The following CES4A variants were observed in gnomAD, a reference collection of about 807,000 sequenced individuals.
CES4A encodes the protein carboxylesterase 6.
CES4A carries 48 observed loss-of-function variants against 65.4 expected under a neutral mutation model. That is an observed-to-expected ratio of 0.73 (90% CI 0.58 to 0.93). The LOEUF is 0.93. Among genes scored for constraint, CES4A ranks in the 40% least tolerant of loss-of-function variants. The pLI is 0.00. For synonymous variants in CES4A, 247 were observed against 281.8 expected, an observed-to-expected ratio of 0.88 and a Z score of 1.24; for missense variants, 685 against 728.5, an observed-to-expected ratio of 0.94 and a Z score of 0.69.
At chr16:67,002,443 T>C (rs1965431873) in intron 5 of CES4A, among the ~76,000 whole-genome samples, 1 of 151,828 alleles carries the variant, frequency 6.6e-6, no homozygotes, top group Non-Finnish European at 1.5e-5. Flanking sequence ...GGAGAGATCA[T>C]GGGGCTGGCT....
intron 10 of CES4A, 150 bp downstream of exon 10, chr16:67,005,023 C>A: frequency 1.3e-6 from 1 of 753,532 alleles, no homozygotes; most frequent in Non-Finnish European, 2.2e-6. Context: ...GATCAGATGA[C>A]TGCTTACAGG....
chr16:67,003,520 C>G lies in CES4A; in HGVS notation c.906C>G (p.Phe302Leu). The stretch of plus-strand genomic sequence containing the variant: ...TCCCTTCCTCTCCCCCATAGAGATT[C>G]CTCCAACTGAACTTCCAGAGAGACC... Residue 302 changes from phenylalanine to leucine, a missense_variant, in exon 8 of 14, where the codon TTC (phenylalanine) becomes TTG (leucine). Transcript: ENST00000648724. This position sits in a 1 kb window ranked among gnomAD's most constrained non-coding sequence, Gnocchi z 4.2. 6.2e-7 allele frequency: 1 copy of G among 1,613,534 alleles called. No individual in the cohort carries two copies. Among genetic ancestry groups the G allele is most frequent in the Non-Finnish European group, 8.5e-7 (1 of 1,179,438 alleles).
At chr16:66,995,857 A>G (rs773244767) in intron 2 of CES4A, 28 bp downstream of exon 2, 26 of 1,596,182 alleles carry the variant, frequency 1.6e-5, no homozygotes, top group Non-Finnish European at 2.1e-5. Flanking sequence ...GTCCACTGGG[A>G]GGGGGCAATG....
intron 2 of CES4A, among the ~76,000 whole-genome samples, chr16:66,997,948 AACACACAC>A (rs57562021): frequency 0.3 from 37,551 of 127,118 alleles, 5,756 homozygotes; most frequent in South Asian, 0.38. Context: ...CCCTATCTAA[AACACACAC>A]ACACACACAC....
intron 9 of CES4A, 45 bp downstream of exon 9, chr16:67,004,269 G>A: frequency 6.2e-7 from 1 of 1,607,320 alleles, no homozygotes; most frequent in South Asian, 1.1e-5. Context: ...ACGTAAGTGA[G>A]TACCATAGTG....
chr16:67,003,497 C>T lies in CES4A; in HGVS notation c.901-18C>T. 1.2e-6 allele frequency: 2 copies of T among 1,612,474 alleles called. No individual in the cohort carries two copies. The highest frequency in any genetic ancestry group is 1.7e-6 in the Non-Finnish European group (2 of 1,178,560). The stretch of plus-strand genomic sequence containing the variant: ...AGGGAGACTTCCTTTAACTCTGATC[C>T]CTTCCTCTCCCCCATAGAGATTCCT... On this transcript the variant is annotated intron_variant, in intron 7 of 13. Coordinates refer to ENST00000648724, the Ensembl canonical transcript of CES4A. The surrounding 1 kb of genome is among the most constrained non-coding windows in gnomAD (Gnocchi z 4.2).
chr16:67,005,305 C>T (rs767422484), exon 11 of CES4A: 18 of 1,613,864 alleles, frequency 1.1e-5, no homozygotes, highest in Non-Finnish European at 1.4e-5. Flanking sequence ...ATGAGCATGA[C>T]TGGAAGATGC....
exon 9 of CES4A, chr16:67,004,160 A>G: frequency 6.2e-7 from 1 of 1,614,176 alleles, no homozygotes; most frequent in Non-Finnish European, 8.5e-7. Context: ...ACCCAGGGGA[A>G]GGTTTCATCT....
At chr16:67,005,337 T>C (rs1385948404) in exon 11 of CES4A, 5 of 1,614,092 alleles carry the variant, frequency 3.1e-6, no homozygotes, top group Non-Finnish European at 4.2e-6. Flanking sequence ...ATGATGGACA[T>C]AGTTCAAGAT....
chr16:67,002,338 C>T (rs925726717), intron 5 of CES4A, among the ~76,000 whole-genome samples: 4 of 152,104 alleles, frequency 2.6e-5, no homozygotes, highest in African/African-American at 9.7e-5. Flanking sequence ...AGAGAGATGG[C>T]TCAGCCTGCT....
intron 10 of CES4A, 86 bp downstream of exon 10, chr16:67,004,959 G>T (rs760800840): frequency 4.7e-6 from 5 of 1,061,608 alleles, no homozygotes; most frequent in Non-Finnish European, 4.2e-6. Context: ...TCTTTGCAAA[G>T]GGGCTCCCAG....
In CES4A at chr16:66,994,669, A is replaced by G. The variant is rs112819029; in HGVS notation, c.59-959A>G. 3.9e-3 allele frequency among the ~76,000 whole-genome samples: 582 copies of G among 147,774 alleles called. 2 individuals are homozygous for G. The highest frequency in any genetic ancestry group is 4.8e-3 in the African/African-American group (193 of 40,252). The stretch of plus-strand genomic sequence containing the variant: ...ATCCTGGCTAGTACGGTGAAACCCC[A>G]TCTCTACTAAAAATACAAAATTAGC... On this transcript the variant is annotated intron_variant, in intron 1 of 13. Coordinates refer to ENST00000648724, the Ensembl canonical transcript of CES4A.
At chr16:67,002,065 T>C (rs1370635951) in intron 5 of CES4A, among the ~76,000 whole-genome samples, 1 of 152,006 alleles carries the variant, frequency 6.6e-6, no homozygotes, top group African/African-American at 2.4e-5. Flanking sequence ...CCTTCAATAG[T>C]CCAAAAAGAA....
exon 14 of CES4A, chr16:67,009,335 C>A (rs1289155693): frequency 3.7e-6 from 2 of 545,776 alleles, no homozygotes; most frequent in Non-Finnish European, 6.4e-6. Context: ...CCTTTCCAGC[C>A]TGACATCCCA....
chr16:66,997,354 C>T (rs1057387824), intron 2 of CES4A, among the ~76,000 whole-genome samples: 4 of 152,184 alleles, frequency 2.6e-5, no homozygotes, highest in Admixed American at 6.5e-5. Flanking sequence ...TGTTTGGAAA[C>T]GGAGTGTCAG....
intron 1 of CES4A, among the ~76,000 whole-genome samples, chr16:66,993,785 G>A (rs1355132280): frequency 3.9e-5 from 6 of 152,170 alleles, no homozygotes; most frequent in Admixed American, 2.0e-4. Context: ...CTAGAAACAT[G>A]CTGGGCTAAT....
downstream of CES4A, among the ~76,000 whole-genome samples, chr16:67,010,185 C>A (rs1966063050): frequency 6.6e-6 from 1 of 151,512 alleles, no homozygotes; most frequent in Non-Finnish European, 1.5e-5. Context: ...CCTGCCTCAG[C>A]CTCCCAAGTA....
chr16:67,010,105 A>C (rs1966058446), downstream of CES4A, among the ~76,000 whole-genome samples: 2 of 138,434 alleles, frequency 1.4e-5, no homozygotes, highest in African/African-American at 5.5e-5. Context: ...TGCTCTTGTC[A>C]CCCAGGCTGG....
In CES4A at chr16:67,000,915, G is replaced by C. The variant is rs1279062215; in HGVS notation, c.461G>C (p.Gly154Ala). ...GTGGGCGCTGCTTCTTCGTACGAGG[G>C]CTCTGACTTGGCCGCCCGCGAGAAA... The change falls in exon 4 of 14, where the codon GGC becomes GCC. Residue 154 changes from glycine (G) to alanine (A), a missense_variant. Physicochemically the swap from Gly to Ala is moderately conservative, Grantham distance 60 (BLOSUM62 0). Coordinates refer to ENST00000648724, the Ensembl canonical transcript of CES4A. The surrounding 1 kb of genome is among the most constrained non-coding windows in gnomAD (Gnocchi z 4.2). The C allele has an allele frequency of 6.2e-7, 1 of 1,612,772 alleles. No individual in the cohort carries two copies. The highest frequency in any genetic ancestry group is 1.3e-5 in the African/African-American group (1 of 74,876).
Sources: allele counts gnomAD v4.1 joint callset (sites outside exome capture counted in the v4.1 genomes callset), GRCh38; gene constraint gnomAD v4.1.1; non-coding constraint Gnocchi (gnomAD v3.1); transcripts MANE v1.5; gene names NCBI Gene and HGNC (gene_info 2026-07-23, HGNC 2026-07-21).